THNSL2: variants seen among roughly 807,000 people sequenced by gnomAD.
The protein encoded by THNSL2 is threonine synthase like 2.
A neutral mutation model predicts 40.0 loss-of-function variants in THNSL2; 34 were observed. That is an observed-to-expected ratio of 0.85 (90% CI 0.65 to 1.13). The LOEUF is 1.13. Ranked by LOEUF, THNSL2 falls within the 50% of genes most tolerant of loss-of-function variation. THNSL2 has a pLI of 0.00. For missense variants in THNSL2, 537 were observed against 608.8 expected, an observed-to-expected ratio of 0.88 and a Z score of 1.24; for synonymous variants, 241 against 247.5, an observed-to-expected ratio of 0.97 and a Z score of 0.25.
intron 5 of THNSL2, 31 bp downstream of exon 5, chr2:88,179,044 T>C: frequency 2.5e-6 from 4 of 1,608,130 alleles, no homozygotes; most frequent in Non-Finnish European, 3.4e-6. Context: ...AAATGGGCTT[T>C]CCAGAAAAAT....
intron 2 of THNSL2, among the ~76,000 whole-genome samples, chr2:88,173,947 T>G (rs970363565): frequency 1.3e-5 from 2 of 152,194 alleles, no homozygotes; most frequent in African/African-American, 2.4e-5. Context: ...AGCCACACTT[T>G]AAACAGCAAG....
At position 88,186,244 on chromosome 2, in the gene THNSL2, A is replaced by C; in HGVS notation, c.*121A>C. On this transcript the variant is annotated 3_prime_UTR_variant, in exon 9 of 9. Coordinates refer to ENST00000674334, the MANE Select transcript of THNSL2 (RefSeq NM_018271.5). ...GGTTTCCGGGAGGCTGCTCAGCTGG[A>C]TCTGGAGCCAGCTGGCTTTGCTCCG... 3 of 987,074 alleles carry C rather than the reference A, an allele frequency of 3.0e-6. No homozygotes were observed. Among genetic ancestry groups the C allele is most frequent in the Non-Finnish European group, 4.6e-6 (3 of 657,352 alleles). 61.1% of individuals were successfully genotyped at this position (987,074 alleles called of 1,614,324 possible).
At chr2:88,175,574 T>A in intron 4 of THNSL2, 173 bp downstream of exon 4, 1 of 718,868 alleles carries the variant, frequency 1.4e-6, no homozygotes, top group Non-Finnish European at 2.3e-6. Flanking sequence ...GGGTTCTGGC[T>A]ACACAGTAAA....
Position 88,185,337 on chromosome 2 carries a change from G to A in THNSL2, c.1087G>A (p.Ala363Thr). Reference protein sequence around the residue: ...PKELHSKLSEAVTSVSVSDEA... With the variant: ...PKELHSKLSETVTSVSVSDEA... ...ACCTGGGACCCTTCAGCTTTCAGAG[G>A]CAGTGACATCCGTGTCAGTGTCGGA... Residue 363 changes from alanine (A) to threonine (T), a missense_variant, in exon 8 of 9, where the codon GCA becomes ACA. By Grantham distance (58) the Ala-to-Thr change is moderately conservative. Transcript: ENST00000674334. 1 of 1,613,306 alleles carries A rather than the reference G, an allele frequency of 6.2e-7. No individual in the cohort carries two copies. Among genetic ancestry groups the A allele is most frequent in the African/African-American group, 1.3e-5 (1 of 74,974 alleles).
Position 88,178,479 on chromosome 2 carries a change from G to A in THNSL2, c.572-304G>A, listed in dbSNP as rs750052015. 4.6e-5 allele frequency among the ~76,000 whole-genome samples: 7 copies of A among 152,304 alleles called. No individual in the cohort carries two copies. The South Asian group carries it at 1.5e-3, about 32-fold the overall frequency. On this transcript the variant is annotated intron_variant, in intron 4 of 8. Coordinates refer to ENST00000674334, the MANE Select transcript of THNSL2 (RefSeq NM_018271.5). ...AATTCTCCCAGGATCCCAGAAGGTT[G>A]CCATTTGCTATCTTATTTTAGATAA...
At chr2:88,181,587 G>C (rs1677695443) in intron 5 of THNSL2, among the ~76,000 whole-genome samples, 1 of 130,680 alleles carries the variant, frequency 7.7e-6, no homozygotes, top group African/African-American at 2.9e-5. Context: ...GTGTGTGTGT[G>C]TGTGTGTCTG....
In THNSL2 at chr2:88,178,818, A is replaced by G. The variant is rs1677218799; in HGVS notation, c.607A>G (p.Lys203Glu). The part of the protein sequence containing the change: ...GNSDELDEPI[K>E]TVFADVAFVK... ...CAGCGATGAGCTCGATGAGCCGATCAAGACTGTGTTTGCCGATGTGGCTTT... is the reference window on the plus strand; with the variant it reads ...CAGCGATGAGCTCGATGAGCCGATCGAGACTGTGTTTGCCGATGTGGCTTT... Residue 203 changes from lysine (K) to glutamate (E), a missense_variant, in exon 5 of 9, where the codon AAG becomes GAG. By Grantham distance (56) the Lys-to-Glu change is moderately conservative (BLOSUM62 1). Transcript: ENST00000674334. 1.2e-6 allele frequency: 2 copies of G among 1,614,106 alleles called. No homozygotes were observed. Among genetic ancestry groups the G allele is most frequent in the Non-Finnish European group, 1.7e-6 (2 of 1,179,988 alleles).
chr2:88,178,916 C>T lies in THNSL2; in HGVS notation c.705C>T (p.His235=). The change falls in exon 5 of 9, where the codon CAC becomes CAT. Residue 235 remains histidine, a synonymous_variant. Transcript: ENST00000674334. ...GGGTCCTGGTGCAGATGGCCCATCA[C>T]TTCTTTGCTTACTTCCAGTGTACGC... ...WSRVLVQMAH[H]FFAYFQCTPS... The T allele has an allele frequency of 5.6e-6, 9 of 1,614,256 alleles. No homozygotes were observed. The highest frequency in any genetic ancestry group is 7.6e-6 in the Non-Finnish European group (9 of 1,180,048).
rs570027412 is a variant in THNSL2 at position 88,186,057 on chromosome 2, G to A, written c.1389G>A (p.Met463Ile). 99 of 1,587,386 alleles carry A rather than the reference G, an allele frequency of 6.2e-5. 2 individuals are homozygous for A. Among genetic ancestry groups the A allele is most frequent in the East Asian group, 5.7e-4 (25 of 43,846 alleles). ...GGAGAGGTGACAACTGGATGCTGAT[G>A]CTTCGGGACACCATTGAGGACCTTA... is the stretch of plus-strand genomic sequence containing the variant. ...LMRRGDNWML[M>I]LRDTIEDLSR... The change falls in exon 9 of 9, where the codon ATG (methionine) becomes ATA (isoleucine). Residue 463 changes from methionine (M) to isoleucine (I), a missense_variant. By Grantham distance (10) the Met-to-Ile change is conservative. Transcript: ENST00000674334.
At chr2:88,181,552 C>T (rs1432103148) in intron 5 of THNSL2, among the ~76,000 whole-genome samples, 1 of 124,126 alleles carries the variant, frequency 8.1e-6, no homozygotes, top group African/African-American at 3.0e-5. Context: ...TCTCTCTCCC[C>T]TCTCTCTCCT....
In THNSL2 at chr2:88,173,210, C is replaced by T; in HGVS notation, c.60C>T (p.Phe20=). ...GGGTCAACTTTGAGGGGGCCCTCTT[C>T]TCTGGCTATGCACCTGACGGGGGCC... ...APRVNFEGAL[F]SGYAPDGGLF... The change falls in exon 2 of 9, where the codon TTC becomes TTT. Residue 20 remains phenylalanine (F), a synonymous_variant. Transcript: ENST00000674334. 1 of 1,609,124 alleles carries T rather than the reference C, an allele frequency of 6.2e-7. No homozygotes were observed. Among genetic ancestry groups the T allele is most frequent in the East Asian group, 2.2e-5 (1 of 44,794 alleles).
At chr2:88,171,192 T>C (rs946444461) in intron 1 of THNSL2, 3 of 435,158 alleles carry the variant, frequency 6.9e-6, no homozygotes, top group Non-Finnish European at 9.3e-6. Flanking sequence ...CGCCTCTGGC[T>C]TACATTGAAC....
chr2:88,179,732 C>G (rs918926820), intron 5 of THNSL2, among the ~76,000 whole-genome samples: 1 of 152,154 alleles, frequency 6.6e-6, no homozygotes, highest in African/African-American at 2.4e-5. Context: ...GTTCTAAATG[C>G]TTTTCACATA....
chr2:88,178,674 G>T lies in THNSL2; in HGVS notation c.572-109G>T, dbSNP rs549214406. On this transcript the variant is annotated intron_variant, in intron 4 of 8. Coordinates refer to ENST00000674334, the MANE Select transcript of THNSL2 (RefSeq NM_018271.5). The stretch of plus-strand genomic sequence containing the variant: ...GTAAAGAAACCTAGGCTGCGCGAAG[G>T]TCCCAGGAGGGTGGGCTCAGCCTGG... The T allele has an allele frequency of 4.4e-4, 503 of 1,138,348 alleles. 2 individuals carry two copies. The highest frequency in any genetic ancestry group is 1.4e-3 in the South Asian group (106 of 75,308). 70.5% of individuals were successfully genotyped at this position (1,138,348 alleles called of 1,614,324 possible).
At chr2:88,175,610 C>T (rs1676843516) in intron 4 of THNSL2, 1 of 589,334 alleles carries the variant, frequency 1.7e-6, no homozygotes, top group Admixed American at 3.3e-5. Context: ...GATGCATAAA[C>T]TGATACCAAC....
chr2:88,182,714 A>C lies in THNSL2; in HGVS notation c.818A>C (p.Gln273Pro), dbSNP rs778896625. ...TTGTCTTAAGCTGGGTACATTGCTC[A>C]AAAGATAGGCCTGCCCATCCGTCTG... ...AGNLAAGYIAQKIGLPIRLVV... is the reference protein window; with the variant it reads ...AGNLAAGYIAPKIGLPIRLVV... Residue 273 changes from glutamine (Q) to proline (P), a missense_variant, in exon 6 of 9, where the codon CAA (glutamine) becomes CCA (proline). By Grantham distance (76) the Gln-to-Pro change is moderately conservative (BLOSUM62 -1). Transcript: ENST00000674334. The C allele has an allele frequency of 1.2e-6, 2 of 1,612,328 alleles. No homozygotes were observed. Among genetic ancestry groups the C allele is most frequent in the Non-Finnish European group, 1.7e-6 (2 of 1,178,658 alleles).
chr2:88,186,329 G>A lies in THNSL2; in HGVS notation c.*206G>A, dbSNP rs1436568904. The A allele has an allele frequency of 1.7e-6, 1 of 599,972 alleles. No homozygotes were observed. Among genetic ancestry groups the A allele is most frequent in the South Asian group, 2.0e-5 (1 of 50,412 alleles). 37.2% of individuals were successfully genotyped at this position (599,972 alleles called of 1,614,324 possible). On this transcript the variant is annotated 3_prime_UTR_variant, in exon 9 of 9. Coordinates refer to ENST00000674334, the MANE Select transcript of THNSL2 (RefSeq NM_018271.5). ...GCTGAGTGAGGGGCTGTGAACAGTT[G>A]CCGGAAGCACCCCCTCCCTCCCCGG...
At chr2:88,182,882 G>A (rs758537880) in intron 6 of THNSL2, 35 bp downstream of exon 6, 3 of 1,612,332 alleles carry the variant, frequency 1.9e-6, no homozygotes, top group South Asian at 2.2e-5. Flanking sequence ...TCTGGCCCAG[G>A]TGTTGGTTGG....
Position 88,178,919 on chromosome 2 carries a change from C to A in THNSL2, c.708C>A (p.Phe236Leu), listed in dbSNP as rs1573189251. 8 of 1,614,124 alleles carry A rather than the reference C, an allele frequency of 5.0e-6. No individual in the cohort carries two copies. The East Asian group carries it at 1.8e-4, about 36-fold the overall frequency. The stretch of plus-strand genomic sequence containing the variant: ...TCCTGGTGCAGATGGCCCATCACTT[C>A]TTTGCTTACTTCCAGTGTACGCCAT... ...SRVLVQMAHH[F>L]FAYFQCTPSL... is the part of the protein sequence containing the mutation. The change falls in exon 5 of 9, where the codon TTC (phenylalanine) becomes TTA (leucine). Residue 236 changes from phenylalanine (F) to leucine (L), a missense_variant. Phe to Leu is a conservative substitution (Grantham distance 22). Transcript: ENST00000674334.
Sources: allele counts gnomAD v4.1 joint callset (sites outside exome capture counted in the v4.1 genomes callset), GRCh38; gene constraint gnomAD v4.1.1; transcripts MANE v1.5; gene names NCBI Gene and HGNC (gene_info 2026-07-23, HGNC 2026-07-21).